FGF13: variants seen among roughly 807,000 people sequenced by gnomAD.
The protein encoded by FGF13 is fibroblast growth factor homologous factor 2.
In FGF13, 2 loss-of-function variants were observed where a neutral mutation model predicts 19.5. The ratio of observed to expected loss-of-function variants is 0.10; its 90% confidence interval spans 0.04 to 0.32. FGF13 has a LOEUF of 0.32. Ranked by LOEUF, FGF13 falls within the 10% of genes least tolerant of loss-of-function variation. FGF13 has a pLI of 1.00. For missense variants in FGF13, 113 were observed against 192.7 expected (o/e 0.59, Z 2.45); for synonymous variants, 72 against 76.9 (o/e 0.94, Z 0.33).
At chrX:139,026,867 C>T (rs1332199945) in intron 1 of FGF13, among the ~76,000 whole-genome samples, 1 of 111,956 alleles carries the variant, frequency 8.9e-6, no homozygotes, top group African/African-American at 3.2e-5. Context: ...CTGCCAAACG[C>T]CAGCATAAAG....
intron 1 of FGF13, among the ~76,000 whole-genome samples, chrX:138,927,313 C>G (rs2091679160): frequency 1.8e-5 from 2 of 112,069 alleles, no homozygotes; most frequent in Non-Finnish European, 3.8e-5. Context: ...TCCATAGACC[C>G]ATCCATAGAC....
chrX:138,699,591 C>T (rs1254002938), intron 3 of FGF13, among the ~76,000 whole-genome samples: 1 of 111,668 alleles, frequency 9.0e-6, no homozygotes, highest in Non-Finnish European at 1.9e-5. Flanking sequence ...TTGTTAAGAT[C>T]ACCCACAACA....
At chrX:138,896,797 C>A (rs1376324013) in intron 1 of FGF13, among the ~76,000 whole-genome samples, 1 of 111,784 alleles carries the variant, frequency 8.9e-6, no homozygotes, top group Non-Finnish European at 1.9e-5. Context: ...GAATGCCTCC[C>A]TCAACCTTAC....
At chrX:138,818,424 C>T (rs562581892) in intron 3 of FGF13, among the ~76,000 whole-genome samples, 2 of 108,065 alleles carry the variant, frequency 1.9e-5, no homozygotes, top group South Asian at 8.3e-4. Flanking sequence ...TCAATTGGTC[C>T]TGGCACCTCC....
chrX:138,899,723 T>G (rs1268613479), intron 1 of FGF13, among the ~76,000 whole-genome samples: 2 of 111,275 alleles, frequency 1.8e-5, no homozygotes, highest in African/African-American at 6.6e-5. Flanking sequence ...CATCTTGGAT[T>G]TCTCCAAAAA....
At chrX:138,771,488 G>A (rs759567566) in intron 3 of FGF13, among the ~76,000 whole-genome samples, 78 of 111,551 alleles carry the variant, frequency 7.0e-4, no homozygotes, top group Non-Finnish European at 1.3e-3. Context: ...TTGTTTTGTT[G>A]TTGTTTCTCT....
rs144254118 is a variant in FGF13 at position 138,894,642 on chromosome X, G to C, written c.-112-29992C>G. Among the ~76,000 whole-genome samples, 47 of 110,700 alleles carry C rather than the reference G, an allele frequency of 4.2e-4. No homozygotes were observed. In the East Asian group the frequency reaches 9.7e-3, roughly 23 times the overall value. ...TGAATCCCTGAATAGACCAATAACA[G>C]GTTCTGAAACTGAAGCAATAATTAA... On this transcript the variant is annotated intron_variant, in intron 1 of 2. Transcript: ENST00000421460.
chrX:138,869,032 C>T (rs1475180213), intron 1 of FGF13, among the ~76,000 whole-genome samples: 1 of 111,501 alleles, frequency 9.0e-6, no homozygotes, highest in Non-Finnish European at 1.9e-5. Context: ...TCATGTGCAC[C>T]TCCATCTTTC....
intron 3 of FGF13, among the ~76,000 whole-genome samples, chrX:138,759,924 C>T (rs143720722): frequency 0.015 from 1,653 of 111,521 alleles, 20 homozygotes; most frequent in African/African-American, 0.051. Flanking sequence ...CTATACCTAA[C>T]GATTAGCACC....
intron 3 of FGF13, among the ~76,000 whole-genome samples, chrX:138,650,101 C>T (rs2089353216): frequency 8.9e-6 from 1 of 111,752 alleles, no homozygotes; most frequent in East Asian, 2.8e-4. Context: ...TCAGCCTGAA[C>T]TCATGAAGTA....
chrX:138,929,974 A>C (rs1332839115), intron 1 of FGF13, among the ~76,000 whole-genome samples: 2 of 110,504 alleles, frequency 1.8e-5, no homozygotes, highest in Non-Finnish European at 3.8e-5. Context: ...GTATATTTCT[A>C]GTACTATCTT....
intron 1 of FGF13, among the ~76,000 whole-genome samples, chrX:139,068,777 ACT>A (rs1370896309): frequency 1.8e-5 from 2 of 109,550 alleles, no homozygotes; most frequent in African/African-American, 3.3e-5. Flanking sequence ...TCATGATTTG[ACT>A]CTCTGTTTGT....
intron 1 of FGF13, among the ~76,000 whole-genome samples, chrX:138,936,826 C>T (rs1260228044): frequency 8.9e-6 from 1 of 112,154 alleles, no homozygotes; most frequent in Non-Finnish European, 1.9e-5. Context: ...CATCCCTCCA[C>T]ACTGGGGACC....
chrX:139,011,864 A>C (rs748641041), intron 1 of FGF13, among the ~76,000 whole-genome samples: 1 of 111,642 alleles, frequency 9.0e-6, no homozygotes, highest in East Asian at 2.8e-4. Context: ...GAAAGAAATA[A>C]AGGGCATCCA....
rs191645127 is a variant in FGF13, at chrX:138,738,521, G to A, written c.28+721C>T. Among the ~76,000 whole-genome samples, 4 of 111,906 alleles carry A rather than the reference G, an allele frequency of 3.6e-5. No individual in the cohort carries two copies. In the East Asian group the frequency reaches 1.1e-3, roughly 32 times the overall value. ...ATCCCTGTCCTGCTCTTTTCAAAGA[G>A]ACTTGAAACTGGTCGCTCCGGCAAC... On this transcript the variant is annotated intron_variant, in intron 1 of 4. Transcript: ENST00000305414.
chrX:139,073,776 TA>T, intron 1 of FGF13, among the ~76,000 whole-genome samples: 1 of 112,421 alleles, frequency 8.9e-6, no homozygotes, highest in East Asian at 2.8e-4. Flanking sequence ...CTGGGAATGT[TA>T]TTTGGATACC....
chrX:138,909,578 T>C (rs17001834), intron 1 of FGF13, among the ~76,000 whole-genome samples: 1,697 of 111,948 alleles, frequency 0.015, 41 homozygotes, highest in African/African-American at 0.052. Flanking sequence ...CCCAACTTTG[T>C]GCTAGCATGA....
intron 3 of FGF13, among the ~76,000 whole-genome samples, chrX:138,827,068 T>C (rs1318127142): frequency 8.9e-6 from 1 of 112,338 alleles, no homozygotes; most frequent in Non-Finnish European, 1.9e-5. Flanking sequence ...GATTCAATGG[T>C]ATCAAAGGAA....
intron 1 of FGF13, among the ~76,000 whole-genome samples, chrX:139,008,671 C>A (rs1370775028): frequency 1.8e-5 from 2 of 111,973 alleles, no homozygotes; most frequent in Non-Finnish European, 3.8e-5. Flanking sequence ...TATCAAGGGA[C>A]CACCCCATGG....
Sources: gnomAD v4.1 joint callset for allele counts (sites outside exome capture counted in the v4.1 genomes callset) on GRCh38, gnomAD v4.1.1 for gene constraint, MANE v1.5 for transcripts, NCBI Gene and HGNC (gene_info 2026-07-23, HGNC 2026-07-21) for gene names.